SPON1: variants seen among roughly 807,000 people sequenced by gnomAD.
SPON1 encodes spondin 1, also known as spondin-1.
Under a neutral mutation model 111.7 loss-of-function variants are expected in SPON1, and 52 were observed. The observed-to-expected ratio is 0.47, with a 90% CI of 0.37 to 0.59. SPON1 has a LOEUF of 0.59. Among genes scored for constraint, SPON1 ranks in the 20% least tolerant of loss-of-function variants. The pLI, the probability that SPON1 is intolerant of heterozygous loss-of-function variation, is 0.00. For synonymous variants in SPON1, 410 were observed against 395.8 expected (o/e 1.04, Z -0.43); for missense variants, 957 against 1,068.5 (o/e 0.90, Z 1.46).
intron 3 of SPON1, among the ~76,000 whole-genome samples, chr11:14,063,446 CCTTT>C (rs1417623606): frequency 1.3e-5 from 2 of 152,154 alleles, no homozygotes; most frequent in African/African-American, 4.8e-5. Context: ...TCCCACTCTT[CCTTT>C]CTTCCTTCCT....
At chr11:14,239,586 G>A (rs1023297228) in intron 6 of SPON1, among the ~76,000 whole-genome samples, 1 of 152,170 alleles carries the variant, frequency 6.6e-6, no homozygotes, top group Non-Finnish European at 1.5e-5. Context: ...TTAGCCATGA[G>A]TAGTGGTGCA....
chr11:14,121,368 C>T (rs955855485), intron 5 of SPON1, among the ~76,000 whole-genome samples: 1 of 152,042 alleles, frequency 6.6e-6, no homozygotes, highest in Non-Finnish European at 1.5e-5. Flanking sequence ...CTCTGAATGC[C>T]CCCCAGCAAT....
intron 3 of SPON1, among the ~76,000 whole-genome samples, chr11:14,060,722 A>T (rs1409882197): frequency 6.6e-5 from 10 of 152,184 alleles, no homozygotes; most frequent in African/African-American, 2.4e-4. Context: ...GAACTAAATA[A>T]AATGTCTACT....
intron 6 of SPON1, among the ~76,000 whole-genome samples, chr11:14,194,304 G>A (rs1848378095): frequency 6.6e-6 from 1 of 152,110 alleles, no homozygotes; most frequent in Admixed American, 6.6e-5. Context: ...ACACCTATGG[G>A]CATGGAATTG....
Position 14,259,597 on chromosome 11 carries a change from T to C in SPON1, c.1727T>C (p.Met576Thr), listed in dbSNP as rs1235876056. Reference sequence around the variant, plus strand: ...GACGAGTGCAGCGCCACCTGCGGCATGGGCATGAAGAAGCGGCACCGCATG... The same window carrying C: ...GACGAGTGCAGCGCCACCTGCGGCACGGGCATGAAGAAGCGGCACCGCATG... ...EWDECSATCG[M>T]GMKKRHRMIK... Residue 576 changes from methionine to threonine, a missense_variant, in exon 13 of 16, where the codon ATG (methionine) becomes ACG (threonine). Around this residue, in one of 5 missense-constraint regions of SPON1, gnomAD observed 549 missense variants for 606.2 expected, o/e 0.91. Transcript: ENST00000576479. This position sits in a 1 kb window ranked among gnomAD's most constrained non-coding sequence, Gnocchi z 5.0. The C allele has an allele frequency of 1.3e-6, 2 of 1,556,176 alleles. No individual in the cohort carries two copies. The highest frequency in any genetic ancestry group is 1.7e-6 in the Non-Finnish European group (2 of 1,149,964).
intron 6 of SPON1, among the ~76,000 whole-genome samples, chr11:14,242,922 A>G (rs1352674758): frequency 1.3e-5 from 2 of 152,186 alleles, no homozygotes; most frequent in Non-Finnish European, 1.5e-5. Context: ...TGTTAGCCAC[A>G]TTGCAACTCC....
intron 3 of SPON1, among the ~76,000 whole-genome samples, chr11:14,060,851 G>C (rs1370755573): frequency 3.3e-5 from 5 of 152,178 alleles, no homozygotes; most frequent in Non-Finnish European, 4.4e-5. Context: ...ACATCCAGTA[G>C]GTCCCAGTTA....
At chr11:14,152,577 C>T (rs1261928501) in intron 6 of SPON1, among the ~76,000 whole-genome samples, 30 of 152,134 alleles carry the variant, frequency 2.0e-4, no homozygotes, top group Admixed American at 2.0e-3. Context: ...CTGATTCTTA[C>T]TGGGAATTTC....
In SPON1 at chr11:14,064,882, C is replaced by T. The variant is rs1465509713; in HGVS notation, c.480-10463C>T. On this transcript the variant is annotated intron_variant, in intron 3 of 15. Coordinates refer to ENST00000576479, the MANE Select transcript of SPON1 (RefSeq NM_006108.4). ...TCCTTAGGGTGAGGTAGAGGGGAGT[C>T]AGGTGGGTACTAGCAGGCATGAAAA... Among the ~76,000 whole-genome samples the T allele has an allele frequency of 2.0e-5, 3 of 152,226 alleles. No homozygotes were observed. In the East Asian group the frequency reaches 5.8e-4, roughly 29 times the overall value.
chr11:14,072,562 C>G (rs1265825024), intron 3 of SPON1, among the ~76,000 whole-genome samples: 1 of 152,038 alleles, frequency 6.6e-6, no homozygotes, highest in Non-Finnish European at 1.5e-5. Context: ...AAGAGGTGTT[C>G]ACACAAGAAT....
chr11:14,045,374 C>T (rs535192369), intron 3 of SPON1, among the ~76,000 whole-genome samples: 359 of 152,024 alleles, frequency 2.4e-3, no homozygotes, highest in South Asian at 9.8e-3. Context: ...GTCGGGAGTT[C>T]GAGACCAGCC....
At chr11:14,262,616 G>C in intron 14 of SPON1, 96 bp from the exon 15 acceptor site, 1 of 1,482,464 alleles carries the variant, frequency 6.7e-7, no homozygotes, top group Non-Finnish European at 9.3e-7. Flanking sequence ...CACCTGCTTT[G>C]CATCCCTCAT....
At chr11:14,059,530 T>C (rs782228139) in intron 3 of SPON1, among the ~76,000 whole-genome samples, 12 of 151,870 alleles carry the variant, frequency 7.9e-5, no homozygotes, top group Non-Finnish European at 1.6e-4. Flanking sequence ...GCCAGGCTAA[T>C]GCTAGGAACT....
rs139442369 is a variant in SPON1, at chr11:14,094,890, A to G, written c.676+14869A>G. 5.8e-4 allele frequency among the ~76,000 whole-genome samples: 89 copies of G among 152,290 alleles called. 1 individual carries two copies. The highest frequency in any genetic ancestry group is 1.9e-3 in the African/African-American group (77 of 41,558). On this transcript the variant is annotated intron_variant, in intron 5 of 15. Coordinates refer to ENST00000576479, the MANE Select transcript of SPON1 (RefSeq NM_006108.4). ...GGACATTGCAGTCAGTTAGTGGGCA[A>G]TGGTGTGGCTTGGACTGCAGCGGTG... is the stretch of plus-strand genomic sequence containing the variant.
chr11:14,166,889 C>A (rs1401843652), intron 6 of SPON1, among the ~76,000 whole-genome samples: 3 of 151,984 alleles, frequency 2.0e-5, no homozygotes, highest in African/African-American at 7.2e-5. Context: ...TTAAGAGCAC[C>A]TTAAATAGCT....
intron 2 of SPON1, among the ~76,000 whole-genome samples, chr11:13,985,269 A>G (rs995573158): frequency 1.3e-5 from 2 of 152,210 alleles, no homozygotes; most frequent in Non-Finnish European, 2.9e-5. Context: ...CACCAGCCCT[A>G]GAGGGATCAA....
chr11:14,032,894 T>C (rs1324706746), intron 2 of SPON1, among the ~76,000 whole-genome samples: 2 of 152,150 alleles, frequency 1.3e-5, no homozygotes, highest in Non-Finnish European at 1.5e-5. Flanking sequence ...AATGCCCTGT[T>C]CTTCAGGCCC....
In SPON1 at chr11:14,102,294, TA is replaced by T. The variant is rs1380603142; in HGVS notation, c.676+22280del. Among the ~76,000 whole-genome samples, 11 of 152,178 alleles carry T rather than the reference TA, an allele frequency of 7.2e-5. 1 individual carries two copies. In the South Asian group the frequency reaches 2.1e-3, roughly 29 times the overall value. On this transcript the variant is annotated intron_variant, in intron 5 of 15. Coordinates refer to ENST00000576479, the MANE Select transcript of SPON1 (RefSeq NM_006108.4). Reference sequence around the variant, plus strand: ...ATTTCAAGTGTTCTAATAGCCATATTAAAAAAATTAAACAGAAGCAAGTGCA... The same window carrying T: ...ATTTCAAGTGTTCTAATAGCCATATTAAAAAATTAAACAGAAGCAAGTGCA...
At chr11:14,170,840 A>G (rs868990126) in intron 6 of SPON1, among the ~76,000 whole-genome samples, 5 of 152,182 alleles carry the variant, frequency 3.3e-5, no homozygotes, top group African/African-American at 1.2e-4. Context: ...CCCAGGGATG[A>G]AGCCCACTTG....
Sources: gnomAD v4.1 joint callset for allele counts (sites outside exome capture counted in the v4.1 genomes callset) on GRCh38, gnomAD v4.1.1 for gene constraint, gnomAD v4.1.1 regional missense constraint, Gnocchi (gnomAD v3.1) non-coding constraint, MANE v1.5 for transcripts, NCBI Gene and HGNC (gene_info 2026-07-23, HGNC 2026-07-21) for gene names.